RAB3C: variants seen among roughly 807,000 people sequenced by gnomAD.
RAB3C encodes ras-related protein Rab-3C.
Under a neutral mutation model 26.4 loss-of-function variants are expected in RAB3C, and 17 were observed. That is an observed-to-expected ratio of 0.64 (90% CI 0.44 to 0.97). The LOEUF (loss-of-function observed/expected upper bound fraction) is 0.97. Among genes scored for constraint, RAB3C ranks in the 50% least tolerant of loss-of-function variants. The pLI, the probability that RAB3C is intolerant of heterozygous loss-of-function variation, is 0.00. For synonymous variants in RAB3C, 91 were observed against 95.9 expected, an observed-to-expected ratio of 0.95 and a Z score of 0.30; for missense variants, 242 against 281.9, an observed-to-expected ratio of 0.86 and a Z score of 1.01.
At chr5:58,699,491 C>T (rs1336390667) in intron 2 of RAB3C, among the ~76,000 whole-genome samples, 1 of 152,204 alleles carries the variant, frequency 6.6e-6, no homozygotes, top group South Asian at 2.1e-4. Context: ...AGCCACTGCT[C>T]TCTTCAGAGC....
At chr5:58,718,040 T>A (rs1749209562) in intron 2 of RAB3C, among the ~76,000 whole-genome samples, 1 of 152,102 alleles carries the variant, frequency 6.6e-6, no homozygotes, top group Admixed American at 6.6e-5. Context: ...AATGCAAGCA[T>A]TTCTTATTGT....
intron 2 of RAB3C, among the ~76,000 whole-genome samples, chr5:58,624,208 G>A (rs1489827848): frequency 1.3e-5 from 2 of 152,164 alleles, no homozygotes; most frequent in African/African-American, 2.4e-5. Context: ...GGAGCCATAA[G>A]GAGATCGAAT....
At chr5:58,672,955 G>A (rs1748149973) in intron 2 of RAB3C, among the ~76,000 whole-genome samples, 1 of 152,090 alleles carries the variant, frequency 6.6e-6, no homozygotes, top group Non-Finnish European at 1.5e-5. Context: ...TTATTCAGTT[G>A]TTCTTGTCTT....
At chr5:58,785,314 C>G (rs111925328) in intron 3 of RAB3C, among the ~76,000 whole-genome samples, 4,068 of 152,314 alleles carry the variant, frequency 0.027, 73 homozygotes, top group Admixed American at 0.04. Context: ...GTTCTTAAAG[C>G]TCCTCAAGAT....
At chr5:58,720,775 G>A (rs141130291) in intron 2 of RAB3C, among the ~76,000 whole-genome samples, 9 of 151,772 alleles carry the variant, frequency 5.9e-5, no homozygotes, top group African/African-American at 2.2e-4. Flanking sequence ...ATTTTTCTCT[G>A]TCTAGGTATC....
At chr5:58,689,193 A>C (rs1356389002) in intron 2 of RAB3C, 1 of 152,138 alleles carries the variant, frequency 6.6e-6, no homozygotes, top group Non-Finnish European at 1.5e-5. Flanking sequence ...TGACTCCAGA[A>C]CCTGAACTCT....
intron 3 of RAB3C, among the ~76,000 whole-genome samples, chr5:58,778,512 G>C (rs562645098): frequency 6.6e-6 from 1 of 152,142 alleles, no homozygotes; most frequent in Non-Finnish European, 1.5e-5. Flanking sequence ...AACTAATCCA[G>C]TGCTGCATGA....
intron 2 of RAB3C, among the ~76,000 whole-genome samples, chr5:58,627,316 T>C (rs568839251): frequency 2.0e-5 from 3 of 152,210 alleles, no homozygotes; most frequent in East Asian, 3.9e-4. Context: ...TTTACAGTTA[T>C]ACTGAACTGA....
intron 3 of RAB3C, among the ~76,000 whole-genome samples, chr5:58,808,478 C>T (rs539710931): frequency 1.3e-5 from 2 of 152,198 alleles, no homozygotes; most frequent in East Asian, 1.9e-4. Context: ...ATTGAAGTAT[C>T]CCCCAACCTT....
chr5:58,595,729 T>C (rs540922820), intron 1 of RAB3C, among the ~76,000 whole-genome samples: 1 of 152,264 alleles, frequency 6.6e-6, no homozygotes, highest in Admixed American at 6.5e-5. Context: ...AGTATTTCAT[T>C]TTGTATTCCT....
At chr5:58,683,272 A>G (rs2194037) in intron 2 of RAB3C, among the ~76,000 whole-genome samples, 29,484 of 152,194 alleles carry the variant, frequency 0.19, 3,153 homozygotes, top group African/African-American at 0.28. Context: ...TATGTGATTT[A>G]GATAATAATT....
intron 2 of RAB3C, among the ~76,000 whole-genome samples, chr5:58,685,805 C>T (rs1287915759): frequency 1.3e-5 from 2 of 152,078 alleles, no homozygotes; most frequent in Non-Finnish European, 1.5e-5. Flanking sequence ...TCTCTAAGGG[C>T]TTAGATTCTA....
intron 4 of RAB3C, 141 bp from the exon 5 acceptor site, chr5:58,851,023 C>A (rs1021751862): frequency 1.3e-5 from 9 of 670,118 alleles, no homozygotes; most frequent in Admixed American, 6.2e-5. Flanking sequence ...CTCATGCCCA[C>A]CTCTAATCTC....
intron 2 of RAB3C, among the ~76,000 whole-genome samples, chr5:58,714,242 A>G (rs1749122066): frequency 6.6e-6 from 1 of 152,154 alleles, no homozygotes; most frequent in South Asian, 2.1e-4. Flanking sequence ...CACAATAAAG[A>G]TAGTGATTAA....
intron 1 of RAB3C, among the ~76,000 whole-genome samples, chr5:58,603,438 G>A (rs889394887): frequency 6.6e-6 from 1 of 152,028 alleles, no homozygotes; most frequent in Admixed American, 6.6e-5. Flanking sequence ...TCTTCTTCAG[G>A]AACACTGATT....
chr5:58,582,439 G>T (rs1161342572), upstream of RAB3C: 2 of 984,916 alleles, frequency 2.0e-6, no homozygotes, highest in Non-Finnish European at 2.4e-6. Context: ...GGAGTTCCTT[G>T]GGGTGCTTAG....
At position 58,646,170 on chromosome 5, in the gene RAB3C, C is replaced by T. The variant is rs565328044; in HGVS notation, c.252+28300C>T. ...GGAAGCCTCTGGAGCACCACCCATC[C>T]TCATCCCAAGGCTGAGTTAGGGGCC... is the stretch of plus-strand genomic sequence containing the variant. On this transcript the variant is annotated intron_variant, in intron 2 of 4. Transcript: ENST00000282878. Among the ~76,000 whole-genome samples the T allele has an allele frequency of 1.1e-3, 160 of 152,274 alleles. 1 individual carries two copies. Among genetic ancestry groups the T allele is most frequent in the African/African-American group, 3.7e-3 (155 of 41,540 alleles).
intron 2 of RAB3C, among the ~76,000 whole-genome samples, chr5:58,705,342 G>T (rs768204780): frequency 1.3e-5 from 2 of 152,124 alleles, no homozygotes; most frequent in Non-Finnish European, 2.9e-5. Flanking sequence ...GGAAAGAAGT[G>T]CCCAGTCCAA....
chr5:58,607,704 C>T (rs1219004683), intron 1 of RAB3C, among the ~76,000 whole-genome samples: 1 of 152,248 alleles, frequency 6.6e-6, no homozygotes, highest in Admixed American at 6.5e-5. Context: ...ATTAGACTAA[C>T]AGCTGATCTC....
Sources: allele counts gnomAD v4.1 joint callset (sites outside exome capture counted in the v4.1 genomes callset), GRCh38; gene constraint gnomAD v4.1.1; transcripts MANE v1.5; gene names NCBI Gene and HGNC (gene_info 2026-07-23, HGNC 2026-07-21).